DENND2B: variants seen among roughly 807,000 people sequenced by gnomAD.
The protein encoded by DENND2B is DENN domain-containing protein 2B.
In DENND2B, 32 loss-of-function variants were observed where a neutral mutation model predicts 116.0. That is an observed-to-expected ratio of 0.28 (90% confidence interval 0.21 to 0.37). The LOEUF (loss-of-function observed/expected upper bound fraction) is 0.37. DENND2B is among the 10% of genes least tolerant of loss of function. The pLI is 1.00. For synonymous variants in DENND2B, 588 were observed against 583.9 expected, an observed-to-expected ratio of 1.01 and a Z score of -0.10; for missense variants, 1,276 against 1,477.7, an observed-to-expected ratio of 0.86 and a Z score of 2.24.
chr11:8,903,453 T>C (rs2134764052), intron 1 of DENND2B, among the ~76,000 whole-genome samples: 1 of 143,710 alleles, frequency 7.0e-6, no homozygotes, highest in African/African-American at 2.6e-5. Context: ...GACAAAACTT[T>C]AACTAGACTG....
intron 1 of DENND2B, among the ~76,000 whole-genome samples, chr11:8,908,233 T>C (rs1031751285): frequency 3.9e-5 from 6 of 152,238 alleles, no homozygotes; most frequent in Admixed American, 3.3e-4. Flanking sequence ...TTTAAGGCTA[T>C]GGCAACAGAG....
At chr11:8,739,746 A>C (rs1277540086) in intron 2 of DENND2B, among the ~76,000 whole-genome samples, 1 of 152,264 alleles carries the variant, frequency 6.6e-6, no homozygotes, top group Non-Finnish European at 1.5e-5. Context: ...TAAGATGAAC[A>C]GATAAAAGAA....
At chr11:8,771,318 C>A (rs2056803092) in intron 1 of DENND2B, among the ~76,000 whole-genome samples, 1 of 151,900 alleles carries the variant, frequency 6.6e-6, no homozygotes, top group Non-Finnish European at 1.5e-5. Context: ...ACAGTATATA[C>A]AAAGGAATAC....
At chr11:8,861,768 C>T (rs997208748) in intron 2 of DENND2B, among the ~76,000 whole-genome samples, 4 of 151,994 alleles carry the variant, frequency 2.6e-5, no homozygotes, top group African/African-American at 7.3e-5. Context: ...AGTAAAGATA[C>T]GGAACCAACC....
intron 4 of DENND2B, among the ~76,000 whole-genome samples, chr11:8,836,173 C>T (rs1255390442): frequency 7.4e-6 from 1 of 135,940 alleles, no homozygotes; most frequent in Non-Finnish European, 1.6e-5. Context: ...CAGTGAAACC[C>T]CGTCTCTACT....
chr11:8,856,567 C>T (rs181781620), intron 3 of DENND2B, among the ~76,000 whole-genome samples: 30 of 152,174 alleles, frequency 2.0e-4, no homozygotes, highest in Non-Finnish European at 1.3e-4. Context: ...GGTTTTACTT[C>T]CACTGGTCAC....
intron 1 of DENND2B, among the ~76,000 whole-genome samples, chr11:8,765,422 T>C (rs561158297): frequency 8.2e-4 from 125 of 152,342 alleles, no homozygotes; most frequent in African/African-American, 3.0e-3. Context: ...ACACTCAACA[T>C]TTGTTGAACA....
chr11:8,869,364 G>GT (rs2063695163), intron 2 of DENND2B, among the ~76,000 whole-genome samples: 1 of 152,100 alleles, frequency 6.6e-6, no homozygotes, highest in African/African-American at 2.4e-5. Flanking sequence ...TTTTCCAAAG[G>GT]TAATATTTGC....
chr11:8,858,300 T>G (rs1445352766), intron 2 of DENND2B, among the ~76,000 whole-genome samples: 3 of 152,104 alleles, frequency 2.0e-5, no homozygotes, highest in Non-Finnish European at 2.9e-5. Flanking sequence ...GTCCCTAACT[T>G]CATGGAGTTT....
At position 8,870,545 on chromosome 11, in the gene DENND2B, T is replaced by C. The variant is rs376115566; in HGVS notation, c.-250+409A>G. Among the ~76,000 whole-genome samples the C allele has an allele frequency of 1.3e-4, 19 of 151,532 alleles. No individual in the cohort carries two copies. The South Asian group carries it at 4.0e-3, about 32-fold the overall frequency. On this transcript the variant is annotated intron_variant, in intron 2 of 6. Transcript: ENST00000524757. ...TGTGTGCGCGCGCGCGCGCGCGTTC[T>C]TCAAGGAGCCTGCATACAAGCTGCA...
intron 2 of DENND2B, among the ~76,000 whole-genome samples, chr11:8,732,438 G>A (rs189209618): frequency 3.6e-4 from 55 of 152,326 alleles, no homozygotes; most frequent in African/African-American, 1.3e-3. Flanking sequence ...CTCTGAAGAG[G>A]AAGCAGTGCC....
chr11:8,806,867 T>C (rs7121160), intron 1 of DENND2B, among the ~76,000 whole-genome samples: 144,792 of 151,910 alleles, frequency 0.95, 69,383 homozygotes, highest in East Asian at 1. Context: ...AGTTTTCCCA[T>C]AGGCTTTAAA....
intron 3 of DENND2B, among the ~76,000 whole-genome samples, chr11:8,727,382 C>G (rs1052033704): frequency 6.6e-6 from 1 of 152,178 alleles, no homozygotes; most frequent in Non-Finnish European, 1.5e-5. Context: ...TCAACACAAC[C>G]GAACACTCTT....
At chr11:8,876,747 G>T (rs949828107) in intron 2 of DENND2B, among the ~76,000 whole-genome samples, 1 of 151,908 alleles carries the variant, frequency 6.6e-6, no homozygotes, top group African/African-American at 2.4e-5. Flanking sequence ...GCATGGTAGC[G>T]AGCACCTGTA....
At chr11:8,744,684 C>T (rs761092239) in intron 2 of DENND2B, among the ~76,000 whole-genome samples, 11 of 152,192 alleles carry the variant, frequency 7.2e-5, no homozygotes, top group Non-Finnish European at 1.5e-4. Flanking sequence ...TTAGCAACAG[C>T]TGTCCCACTG....
intron 2 of DENND2B, 82 bp downstream of exon 2, chr11:8,750,539 G>T: frequency 8.6e-7 from 1 of 1,166,490 alleles, no homozygotes; most frequent in Admixed American, 1.8e-5. Flanking sequence ...CAGTCAAGAT[G>T]ATGACTATTT....
chr11:8,698,166 A>AAG (rs1555092981), intron 16 of DENND2B, among the ~76,000 whole-genome samples: 2,969 of 128,602 alleles, frequency 0.023, 200 homozygotes, highest in Non-Finnish European at 0.026. Flanking sequence ...AAAAAAAAAA[A>AAG]GGGGGTAGAG....
chr11:8,910,085 T>C (rs911515675), intron 1 of DENND2B, among the ~76,000 whole-genome samples: 1 of 151,898 alleles, frequency 6.6e-6, no homozygotes, highest in African/African-American at 2.4e-5. Flanking sequence ...TCCTAAAAGA[T>C]GGAGTCAGAC....
chr11:8,815,132 C>T (rs949385536), upstream of DENND2B, among the ~76,000 whole-genome samples: 4 of 152,062 alleles, frequency 2.6e-5, no homozygotes, highest in Non-Finnish European at 5.9e-5. Context: ...CCAGCTCCCA[C>T]GATGACAAGG....
Sources: gnomAD v4.1 joint callset for allele counts (sites outside exome capture counted in the v4.1 genomes callset) on GRCh38, gnomAD v4.1.1 for gene constraint, MANE v1.5 for transcripts, NCBI Gene and HGNC (gene_info 2026-07-23, HGNC 2026-07-21) for gene names.